Variants in SLC24A2 observed in about 807,000 individuals in gnomAD.
The protein encoded by SLC24A2 is solute carrier family 24 member 2.
In SLC24A2, 36 loss-of-function variants were observed where a neutral mutation model predicts 62.0. The ratio of observed to expected loss-of-function variants is 0.58; its 90% CI spans 0.44 to 0.77. The LOEUF (loss-of-function observed/expected upper bound fraction) is 0.77, where lower values mean the gene tolerates loss of function less well. Ranked by LOEUF, SLC24A2 falls within the 30% of genes least tolerant of loss-of-function variation. The pLI, the probability that SLC24A2 is intolerant of heterozygous loss-of-function variation, is 0.00. For missense variants in SLC24A2, 846 were observed against 817.9 expected, an observed-to-expected ratio of 1.03 and a Z score of -0.42; for synonymous variants, 358 against 294.0, an observed-to-expected ratio of 1.22 and a Z score of -2.23.
the SLC24A2 span, among the ~76,000 whole-genome samples, chr9:20,276,324 A>T: frequency 6.6e-6 from 1 of 152,202 alleles, no homozygotes; most frequent in Non-Finnish European, 1.5e-5. Flanking sequence ...GCCCCATGCA[A>T]GTCCAAAATC....
chr9:20,168,635 A>G, the SLC24A2 span, among the ~76,000 whole-genome samples: 624 of 152,138 alleles, frequency 4.1e-3, 1 homozygote, highest in Non-Finnish European at 6.7e-3. Context: ...GGAAATACAA[A>G]TAAAACTGCA....
chr9:20,095,390 G>T, the SLC24A2 span, among the ~76,000 whole-genome samples: 1 of 152,222 alleles, frequency 6.6e-6, no homozygotes, highest in Non-Finnish European at 1.5e-5. Flanking sequence ...GGGTGTTTCT[G>T]TAAGTGTGTT....
chr9:19,958,613 A>C, the SLC24A2 span, among the ~76,000 whole-genome samples: 3 of 152,332 alleles, frequency 2.0e-5, no homozygotes, highest in Non-Finnish European at 4.4e-5. Context: ...GACACTGAAC[A>C]AGACACAATC....
chr9:19,772,090 A>G (rs937040777), intron 2 of SLC24A2, among the ~76,000 whole-genome samples: 4 of 152,168 alleles, frequency 2.6e-5, no homozygotes, highest in African/African-American at 9.7e-5. Context: ...TATGACGAGA[A>G]AGTCTTTTAG....
At chr9:19,976,724 G>A in the SLC24A2 span, among the ~76,000 whole-genome samples, 1 of 152,204 alleles carries the variant, frequency 6.6e-6, no homozygotes. Context: ...AGAAATTTGA[G>A]TGTCCACAGA....
the SLC24A2 span, among the ~76,000 whole-genome samples, chr9:19,982,819 A>AT: frequency 2.0e-5 from 3 of 152,222 alleles, no homozygotes; most frequent in Non-Finnish European, 4.4e-5. Flanking sequence ...TAAAAGGCTT[A>AT]TATACTATGA....
At chr9:19,553,603 A>T (rs886222382) in intron 7 of SLC24A2, among the ~76,000 whole-genome samples, 1 of 152,174 alleles carries the variant, frequency 6.6e-6, no homozygotes, top group Non-Finnish European at 1.5e-5. Flanking sequence ...GTCAGAACTT[A>T]AAAGAGTCAG....
intron 2 of SLC24A2, among the ~76,000 whole-genome samples, chr9:19,636,921 A>G (rs1179556378): frequency 6.6e-6 from 1 of 152,162 alleles, no homozygotes; most frequent in African/African-American, 2.4e-5. Context: ...TAATTGATTT[A>G]AGTCTTTCAA....
At chr9:20,242,061 T>C in the SLC24A2 span, among the ~76,000 whole-genome samples, 1 of 152,170 alleles carries the variant, frequency 6.6e-6, no homozygotes, top group Non-Finnish European at 1.5e-5. Context: ...ACCATGCCCA[T>C]CCTATGGACT....
chr9:19,597,470 A>G lies in SLC24A2; in HGVS notation c.1079-191T>C, dbSNP rs189387525. ...CGGCCCATTTTCAGAAATCACTTTA[A>G]ATATATTATGCTACCGGGGGTAGAG... On this transcript the variant is annotated intron_variant, in intron 4 of 10. Transcript: ENST00000341998. Among the ~76,000 whole-genome samples the G allele has an allele frequency of 2.0e-5, 3 of 152,310 alleles. No individual in the cohort carries two copies. The East Asian group carries it at 5.8e-4, about 29-fold the overall frequency.
intron 7 of SLC24A2, among the ~76,000 whole-genome samples, chr9:19,563,048 G>C (rs1434371287): frequency 6.6e-6 from 1 of 152,170 alleles, no homozygotes; most frequent in East Asian, 1.9e-4. Flanking sequence ...GGAGGCTGCA[G>C]TGAGCCATGA....
chr9:19,577,057 A>G (rs1469510404), intron 5 of SLC24A2, 35 bp from the exon 6 acceptor site: 7 of 1,557,726 alleles, frequency 4.5e-6, no homozygotes, highest in East Asian at 4.5e-5. Flanking sequence ...AGGAGACACA[A>G]TGAGAAAGAA....
At chr9:20,244,414 T>G in the SLC24A2 span, among the ~76,000 whole-genome samples, 1 of 152,170 alleles carries the variant, frequency 6.6e-6, no homozygotes, top group African/African-American at 2.4e-5. Flanking sequence ...AGAGACCAGA[T>G]GGCCCTCACC....
intron 2 of SLC24A2, among the ~76,000 whole-genome samples, chr9:19,703,601 C>A (rs1381652858): frequency 6.6e-6 from 1 of 152,094 alleles, no homozygotes; most frequent in East Asian, 1.9e-4. Context: ...TTAGGGAAGA[C>A]TTTCTGGAAG....
chr9:19,764,497 T>C (rs1457733246), intron 2 of SLC24A2, among the ~76,000 whole-genome samples: 2 of 152,258 alleles, frequency 1.3e-5, no homozygotes, highest in Non-Finnish European at 2.9e-5. Flanking sequence ...TTCTGGTACA[T>C]TGTGTCTTTG....
chr9:19,681,174 C>T (rs989041930), intron 2 of SLC24A2, among the ~76,000 whole-genome samples: 2 of 152,194 alleles, frequency 1.3e-5, no homozygotes, highest in Admixed American at 6.5e-5. Flanking sequence ...TCTGACCTCA[C>T]CTGCCTTGCT....
the SLC24A2 span, among the ~76,000 whole-genome samples, chr9:20,109,124 G>A: frequency 6.6e-6 from 1 of 152,166 alleles, no homozygotes. Flanking sequence ...TACAGCCTAG[G>A]TGTGTAATAG....
the SLC24A2 span, among the ~76,000 whole-genome samples, chr9:19,971,607 A>G: frequency 6.6e-6 from 1 of 152,162 alleles, no homozygotes; most frequent in South Asian, 2.1e-4. Flanking sequence ...GACCATTGTC[A>G]ATTGGATGAT....
At chr9:20,144,611 A>T in the SLC24A2 span, among the ~76,000 whole-genome samples, 1 of 152,152 alleles carries the variant, frequency 6.6e-6, no homozygotes, top group African/African-American at 2.4e-5. Context: ...GAGGAGATGG[A>T]TGGCAGAGGG....
Sources: allele counts gnomAD v4.1 joint callset (sites outside exome capture counted in the v4.1 genomes callset), GRCh38; gene constraint gnomAD v4.1.1; transcripts MANE v1.5; gene names NCBI Gene and HGNC (gene_info 2026-07-23, HGNC 2026-07-21).